The following CAPN7 variants were observed in gnomAD, a reference collection of about 807,000 sequenced individuals.
CAPN7 encodes calpain-7.
A neutral mutation model predicts 115.2 loss-of-function variants in CAPN7; 72 were observed. The ratio of observed to expected loss-of-function variants is 0.63; its 90% CI spans 0.52 to 0.76. The LOEUF (loss-of-function observed/expected upper bound fraction) is 0.76, where lower values mean the gene tolerates loss of function less well. Among genes scored for constraint, CAPN7 ranks in the 30% least tolerant of loss-of-function variants. The probability of loss-of-function intolerance (pLI) is 0.00; values close to 1 mark genes in which losing one functional copy is unlikely to be tolerated. For synonymous variants in CAPN7, 344 were observed against 322.3 expected, an observed-to-expected ratio of 1.07 and a Z score of -0.72; for missense variants, 905 against 971.5, an observed-to-expected ratio of 0.93 and a Z score of 0.91.
chr3:15,244,014 G>T (rs529852546), intron 16 of CAPN7, among the ~76,000 whole-genome samples: 7 of 152,328 alleles, frequency 4.6e-5, no homozygotes, highest in African/African-American at 1.4e-4. Context: ...ATAAGAACAG[G>T]CATAGTGGAG....
intron 12 of CAPN7, among the ~76,000 whole-genome samples, chr3:15,238,104 ACTT>A (rs1245145126): frequency 1.0e-4 from 12 of 120,564 alleles, no homozygotes; most frequent in African/African-American, 3.7e-4. Context: ...TTTAATTCTG[ACTT>A]CTTTTTTTTT....
chr3:15,206,988 TAAAAA>T (rs1451178022), intron 1 of CAPN7, among the ~76,000 whole-genome samples: 3 of 152,364 alleles, frequency 2.0e-5, no homozygotes, highest in Admixed American at 2.0e-4. Flanking sequence ...TAAATAAACT[TAAAAA>T]GAATAAAAAC....
chr3:15,206,606 G>T lies in CAPN7; in HGVS notation c.102+9G>T, dbSNP rs903179311. The T allele has an allele frequency of 1.8e-5, 28 of 1,538,778 alleles. No homozygotes were observed. Among genetic ancestry groups the T allele is most frequent in the Non-Finnish European group, 2.4e-5 (27 of 1,140,546 alleles). On this transcript the variant is annotated intron_variant, in intron 1 of 20. Coordinates refer to ENST00000253693, the MANE Select transcript of CAPN7 (RefSeq NM_014296.3). Reference sequence around the variant, plus strand: ...CGGTGTTTTATTACAAGGTAGGGCCGGGCCCGGCGCTTCGGTCGGAGTTGC... The same window carrying T: ...CGGTGTTTTATTACAAGGTAGGGCCTGGCCCGGCGCTTCGGTCGGAGTTGC...
At chr3:15,212,767 C>T (rs1019004199) in intron 2 of CAPN7, among the ~76,000 whole-genome samples, 2 of 152,152 alleles carry the variant, frequency 1.3e-5, no homozygotes, top group African/African-American at 4.8e-5. Flanking sequence ...TCTTAATGGT[C>T]ACAGTTTTGT....
chr3:15,207,063 G>T (rs1477974095), intron 1 of CAPN7, among the ~76,000 whole-genome samples: 6 of 152,208 alleles, frequency 3.9e-5, no homozygotes, highest in Admixed American at 3.9e-4. Context: ...GATATTTTCT[G>T]AGAAATGTGT....
At chr3:15,238,663 C>G (rs1695149791) in intron 12 of CAPN7, among the ~76,000 whole-genome samples, 2 of 152,010 alleles carry the variant, frequency 1.3e-5, no homozygotes, top group South Asian at 4.1e-4. Flanking sequence ...CAGCGATTCT[C>G]TCTTTGGGTC....
chr3:15,206,790 C>T (rs1460629293), intron 1 of CAPN7, among the ~76,000 whole-genome samples, 193 bp downstream of exon 1: 5 of 152,220 alleles, frequency 3.3e-5, no homozygotes, highest in Non-Finnish European at 7.3e-5. Flanking sequence ...TGCGGGGAGG[C>T]TGGGTCGCGG....
intron 2 of CAPN7, among the ~76,000 whole-genome samples, chr3:15,213,340 CAT>C (rs2045058680): frequency 2.0e-5 from 3 of 152,088 alleles, no homozygotes; most frequent in Admixed American, 1.3e-4. Flanking sequence ...GTATTGAATA[CAT>C]GTTTGGGCTC....
In CAPN7 at chr3:15,222,889, C is replaced by A. The variant is rs149723723; in HGVS notation, c.639-586C>A. 6.7e-3 allele frequency among the ~76,000 whole-genome samples: 1,027 copies of A among 152,274 alleles called. 20 individuals are homozygous for A. The highest frequency in any genetic ancestry group is 0.024 in the African/African-American group (985 of 41,544). ...CTAAAGACTAAATTCTGAAGTTACT[C>A]TGCAACATCTCATAAATAGAATAAG... On this transcript the variant is annotated intron_variant, in intron 5 of 20. Transcript: ENST00000253693.
chr3:15,225,587 A>G (rs1356645991), intron 6 of CAPN7, among the ~76,000 whole-genome samples: 2 of 152,246 alleles, frequency 1.3e-5, no homozygotes, highest in East Asian at 1.9e-4. Context: ...GTAGCCATGC[A>G]GACTCCCTTA....
chr3:15,247,452 A>C lies in CAPN7; in HGVS notation c.2199A>C (p.Gly733=), dbSNP rs1167387265. 3 of 1,594,482 alleles carry C rather than the reference A, an allele frequency of 1.9e-6. No individual in the cohort carries two copies. The highest frequency in any genetic ancestry group is 2.6e-6 in the Non-Finnish European group (3 of 1,173,940). The change falls in exon 19 of 21, where the codon GGA becomes GGC. Residue 733 remains glycine, a synonymous_variant. Transcript: ENST00000253693. Reference sequence around the variant, plus strand: ...GGCCGTTACTGATTGAGCTACGAGGACCAAGGTTTGTGATGAGTAACTTTC... The same window carrying C: ...GGCCGTTACTGATTGAGCTACGAGGCCCAAGGTTTGTGATGAGTAACTTTC... ...KTGPLLIELR[G]PRQYSVGFEV...
chr3:15,217,356 G>A (rs975569327), intron 2 of CAPN7, 69 bp from the exon 3 acceptor site: 11 of 1,287,350 alleles, frequency 8.5e-6, no homozygotes, highest in Non-Finnish European at 1.2e-5. Flanking sequence ...GTCTTAAATA[G>A]TGAAAATAGT....
chr3:15,250,888 G>C (rs1559415792), intron 19 of CAPN7, 43 bp from the exon 20 acceptor site: 1 of 1,322,800 alleles, frequency 7.6e-7, no homozygotes, highest in Non-Finnish European at 1.1e-6. Context: ...TCACGTTTGA[G>C]AATATATATT....
intron 4 of CAPN7, 61 bp downstream of exon 4, chr3:15,218,601 T>A (rs1693780976): frequency 2.6e-6 from 3 of 1,172,350 alleles, no homozygotes. Flanking sequence ...TAAACAAATT[T>A]ATCTAAATGT....
chr3:15,219,830 C>G (rs1186987872), intron 4 of CAPN7, among the ~76,000 whole-genome samples: 3 of 152,178 alleles, frequency 2.0e-5, no homozygotes, highest in African/African-American at 7.2e-5. Flanking sequence ...GTCTGTGATC[C>G]AGCCCCTGCT....
intron 3 of CAPN7, 118 bp downstream of exon 3, chr3:15,217,700 T>A (rs1310456962): frequency 4.0e-6 from 3 of 757,058 alleles, no homozygotes; most frequent in Non-Finnish European, 5.8e-6. Context: ...AAAATTATTT[T>A]AAATGTAACA....
chr3:15,249,727 C>G (rs1290508615), intron 19 of CAPN7, among the ~76,000 whole-genome samples: 2 of 151,966 alleles, frequency 1.3e-5, no homozygotes, highest in Admixed American at 1.3e-4. Flanking sequence ...GGCTTTCTTT[C>G]CTGTCCCATA....
At chr3:15,226,842 G>A (rs1254956215) in intron 6 of CAPN7, among the ~76,000 whole-genome samples, 2 of 151,398 alleles carry the variant, frequency 1.3e-5, no homozygotes, top group Non-Finnish European at 1.5e-5. Context: ...CCCAGTATCT[G>A]TCAGCATTCT....
rs986821445 is a variant in CAPN7, at chr3:15,222,282, C to CA, written c.639-1184dup. ...AGCCCTGTTCCACAAGGAGCTGTAC[C>CA]AAAAAAAAATGAAATGTGAAACACA... On this transcript the variant is annotated intron_variant, in intron 5 of 20. Coordinates refer to ENST00000253693, the MANE Select transcript of CAPN7 (RefSeq NM_014296.3). 6.7e-4 allele frequency among the ~76,000 whole-genome samples: 101 copies of CA among 149,758 alleles called. No homozygotes were observed. In the South Asian group the frequency reaches 0.012, roughly 18 times the overall value.
Sources: allele counts gnomAD v4.1 joint callset (sites outside exome capture counted in the v4.1 genomes callset), GRCh38; gene constraint gnomAD v4.1.1; transcripts MANE v1.5; gene names NCBI Gene and HGNC (gene_info 2026-07-23, HGNC 2026-07-21).